Variants in LRBA observed in about 807,000 individuals in gnomAD.
The protein encoded by LRBA is lipopolysaccharide-responsive and beige-like anchor protein.
A neutral mutation model predicts 330.0 loss-of-function variants in LRBA; 176 were observed. That is an observed-to-expected ratio of 0.53 (90% confidence interval 0.47 to 0.60). The LOEUF (loss-of-function observed/expected upper bound fraction) is 0.60, where lower values mean the gene tolerates loss of function less well. LRBA is among the 20% of genes least tolerant of loss of function. The probability of loss-of-function intolerance (pLI) is 0.00; values close to 1 mark genes in which losing one functional copy is unlikely to be tolerated. For synonymous variants in LRBA, 1,230 were observed against 1,193.0 expected (o/e 1.03, Z -0.64); for missense variants, 3,259 against 3,444.8 (o/e 0.95, Z 1.35).
At chr4:150,402,124 A>AC (rs1339551852) in intron 47 of LRBA, among the ~76,000 whole-genome samples, 4 of 147,628 alleles carry the variant, frequency 2.7e-5, no homozygotes, top group Non-Finnish European at 4.5e-5. Context: ...TGCCATCTCT[A>AC]CTAAAAAAAA....
intron 40 of LRBA, among the ~76,000 whole-genome samples, chr4:150,523,424 C>T (rs552780578): frequency 4.0e-4 from 61 of 152,208 alleles, no homozygotes; most frequent in Admixed American, 1.2e-3. Flanking sequence ...ACGATGGAAG[C>T]AGAGAGCAGC....
intron 41 of LRBA, among the ~76,000 whole-genome samples, chr4:150,489,047 TTATA>T (rs1395401917): frequency 2.1e-5 from 2 of 95,170 alleles, no homozygotes; most frequent in Non-Finnish European, 3.9e-5. Flanking sequence ...ATATAATATA[TTATA>T]TATAAGAATA....
intron 30 of LRBA, among the ~76,000 whole-genome samples, chr4:150,825,829 T>C (rs961827846): frequency 6.6e-6 from 1 of 152,078 alleles, no homozygotes; most frequent in African/African-American, 2.4e-5. Context: ...TAAGAAAAAG[T>C]TGAATTGCTT....
intron 51 of LRBA, among the ~76,000 whole-genome samples, chr4:150,313,178 T>C (rs964270453): frequency 6.6e-6 from 1 of 152,072 alleles, no homozygotes; most frequent in Non-Finnish European, 1.5e-5. Flanking sequence ...CTGGGGGAAG[T>C]AGAATGAAAA....
At chr4:151,006,612 A>G (rs1048014388) in intron 2 of LRBA, among the ~76,000 whole-genome samples, 39 of 152,268 alleles carry the variant, frequency 2.6e-4, no homozygotes, top group African/African-American at 8.4e-4. Flanking sequence ...CTTTATAAAA[A>G]GTGAATATAA....
intron 34 of LRBA, among the ~76,000 whole-genome samples, chr4:150,779,604 G>T (rs1261807268): frequency 6.6e-6 from 1 of 151,794 alleles, no homozygotes; most frequent in Non-Finnish European, 1.5e-5. Flanking sequence ...TTAACTTTTT[G>T]AATGTCTAGA....
chr4:150,377,632 G>A (rs1486259600), intron 47 of LRBA, among the ~76,000 whole-genome samples: 1 of 151,960 alleles, frequency 6.6e-6, no homozygotes, highest in East Asian at 1.9e-4. Flanking sequence ...TACCCACTTA[G>A]GAGATCATAG....
At chr4:150,810,257 C>G (rs1009342564) in intron 31 of LRBA, among the ~76,000 whole-genome samples, 2 of 152,176 alleles carry the variant, frequency 1.3e-5, no homozygotes, top group African/African-American at 4.8e-5. Flanking sequence ...AAGCTTGGTT[C>G]CTTTTGGAAA....
At chr4:150,323,024 TG>T (rs1561012632) in intron 49 of LRBA, among the ~76,000 whole-genome samples, 5,249 of 143,856 alleles carry the variant, frequency 0.036, 312 homozygotes, top group African/African-American at 0.13. Context: ...TGTGTGTGTG[TG>T]GGGATGCATT....
At chr4:150,790,807 A>C (rs1739789214) in intron 34 of LRBA, among the ~76,000 whole-genome samples, 1 of 152,204 alleles carries the variant, frequency 6.6e-6, no homozygotes, top group African/African-American at 2.4e-5. Flanking sequence ...TTCAGCAAAG[A>C]ATACCTACTT....
chr4:150,431,872 C>G (rs1182031354), intron 46 of LRBA, among the ~76,000 whole-genome samples: 1 of 151,856 alleles, frequency 6.6e-6, no homozygotes. Context: ...ACAAATTATC[C>G]ACAAAACTTT....
chr4:150,525,589 G>A (rs1451083544), intron 40 of LRBA, among the ~76,000 whole-genome samples: 1 of 152,132 alleles, frequency 6.6e-6, no homozygotes, highest in African/African-American at 2.4e-5. Context: ...TTTAGAAACA[G>A]TCTTCCTTTT....
intron 48 of LRBA, among the ~76,000 whole-genome samples, chr4:150,345,742 T>G (rs2127032451): frequency 6.6e-6 from 1 of 152,348 alleles, no homozygotes; most frequent in South Asian, 2.1e-4. Context: ...TATATCAAAC[T>G]GCATTATACT....
At chr4:150,303,731 G>A (rs1322164705) in intron 52 of LRBA, among the ~76,000 whole-genome samples, 2 of 152,016 alleles carry the variant, frequency 1.3e-5, no homozygotes, top group East Asian at 1.9e-4. Flanking sequence ...CCACCACCAC[G>A]CCCGGCTAAT....
rs1330714582 is a variant in LRBA, at chr4:150,802,358, TTTTTA to T, written c.5518+3908_5518+3912del. 9.9e-5 allele frequency among the ~76,000 whole-genome samples: 15 copies of T among 151,730 alleles called. No individual in the cohort carries two copies. The East Asian group carries it at 2.7e-3, about 27-fold the overall frequency. On this transcript the variant is annotated intron_variant, in intron 33 of 56. Transcript: ENST00000651943. ...AATTCTAGCATTCGTGGGTTTTTTT[TTTTTA>T]ATTTTAGTCCACAGCATAGTAAAGA...
intron 34 of LRBA, among the ~76,000 whole-genome samples, chr4:150,791,257 T>A (rs1003497858): frequency 6.6e-6 from 1 of 152,162 alleles, no homozygotes; most frequent in African/African-American, 2.4e-5. Flanking sequence ...GCAGAACACC[T>A]ACTATTATTA....
intron 9 of LRBA, among the ~76,000 whole-genome samples, chr4:150,909,532 G>A (rs912844991): frequency 2.9e-4 from 44 of 152,048 alleles, no homozygotes; most frequent in African/African-American, 1.0e-3. Context: ...CCATTCATCT[G>A]CTACTGGACA....
At chr4:150,776,627 A>G (rs1737366201) in intron 34 of LRBA, among the ~76,000 whole-genome samples, 1 of 152,114 alleles carries the variant, frequency 6.6e-6, no homozygotes, top group Admixed American at 6.5e-5. Context: ...CAGCCTGGCA[A>G]CATGGTGAAA....
At chr4:150,729,503 T>TA (rs1466107414) in intron 36 of LRBA, among the ~76,000 whole-genome samples, 3 of 151,880 alleles carry the variant, frequency 2.0e-5, no homozygotes, top group Non-Finnish European at 1.5e-5. Context: ...GAAGAGAATA[T>TA]AAAAAAATGG....
Sources: gnomAD v4.1 joint callset for allele counts (sites outside exome capture counted in the v4.1 genomes callset) on GRCh38, gnomAD v4.1.1 for gene constraint, MANE v1.5 for transcripts, NCBI Gene and HGNC (gene_info 2026-07-23, HGNC 2026-07-21) for gene names.